Variants in SPEF2 observed in about 807,000 individuals in gnomAD.
The protein encoded by SPEF2 is sperm flagella and cilia-associated protein 2.
Under a neutral mutation model 224.6 loss-of-function variants are expected in SPEF2, and 187 were observed. That is an observed-to-expected ratio of 0.83 (90% confidence interval 0.74 to 0.94). The LOEUF is 0.94. SPEF2 is among the 40% of genes least tolerant of loss of function. The probability of loss-of-function intolerance (pLI) is 0.00; values close to 1 mark genes in which losing one functional copy is unlikely to be tolerated. For synonymous variants in SPEF2, 715 were observed against 707.3 expected (o/e 1.01, Z -0.17); for missense variants, 2,170 against 2,135.6 (o/e 1.02, Z -0.32).
chr5:35,792,385 TG>T lies in SPEF2; in HGVS notation c.4494del (p.Thr1499ProfsTer2). 6.2e-7 allele frequency: 1 copy of T among 1,613,826 alleles called. No individual in the cohort carries two copies. The highest frequency in any genetic ancestry group is 8.5e-7 in the Non-Finnish European group (1 of 1,179,800). ...TTTACTGACATTCTGATCGATTTGG[TG>T]ACCCTGAACCTTGGCACAAACAACT... ...KAFTDILIDL[V>X]TLNLGTNNFP... On this transcript the variant is annotated frameshift_variant, in exon 31 of 37. Transcript: ENST00000356031. LOFTEE classifies it high-confidence loss of function.
intron 10 of SPEF2, among the ~76,000 whole-genome samples, chr5:35,689,066 A>T (rs551395864): frequency 6.6e-6 from 1 of 152,254 alleles, no homozygotes; most frequent in South Asian, 2.1e-4. Context: ...TGTACTCTAG[A>T]AGACTTTTAA....
rs77813562 is a variant in SPEF2 at position 35,691,512 on chromosome 5, A to G, written c.1744+256A>G. ...AAAAAAGCCAGACACAAAAGGTCACATAGTGTATGAGCCCATTTGTATGAA... is the reference window on the plus strand; with the variant it reads ...AAAAAAGCCAGACACAAAAGGTCACGTAGTGTATGAGCCCATTTGTATGAA... On this transcript the variant is annotated intron_variant, in intron 11 of 36. Transcript: ENST00000356031. 9.0e-3 allele frequency among the ~76,000 whole-genome samples: 1,369 copies of G among 152,324 alleles called. 17 individuals are homozygous for G. The highest frequency in any genetic ancestry group is 0.032 in the African/African-American group (1,331 of 41,580).
intron 10 of SPEF2, among the ~76,000 whole-genome samples, chr5:35,683,158 G>T (rs779981789): frequency 6.6e-6 from 1 of 152,116 alleles, no homozygotes; most frequent in Non-Finnish European, 1.5e-5. Context: ...TCACCATTAG[G>T]CTCCTACAAC....
chr5:35,752,083 A>G (rs1749745323), intron 23 of SPEF2, among the ~76,000 whole-genome samples: 1 of 152,148 alleles, frequency 6.6e-6, no homozygotes, highest in Non-Finnish European at 1.5e-5. Flanking sequence ...AATAGGGTTC[A>G]GGCTTCTATG....
chr5:35,785,571 G>T (rs531435620), intron 30 of SPEF2, among the ~76,000 whole-genome samples: 3 of 150,190 alleles, frequency 2.0e-5, no homozygotes, highest in South Asian at 4.2e-4. Flanking sequence ...TTAAGATGGG[G>T]TCTCACTCTG....
At chr5:35,809,408 G>A (rs771738659) in intron 36 of SPEF2, among the ~76,000 whole-genome samples, 1 of 152,156 alleles carries the variant, frequency 6.6e-6, no homozygotes, top group Non-Finnish European at 1.5e-5. Context: ...TGTGCTGGAA[G>A]TGTGGAGGGA....
chr5:35,724,831 A>G (rs1744362098), intron 20 of SPEF2, among the ~76,000 whole-genome samples: 1 of 152,198 alleles, frequency 6.6e-6, no homozygotes, highest in Non-Finnish European at 1.5e-5. Context: ...GCCCCAGACC[A>G]AGTTACTAAA....
intron 34 of SPEF2, among the ~76,000 whole-genome samples, chr5:35,801,312 T>G (rs908676925): frequency 3.1e-4 from 47 of 152,270 alleles, no homozygotes; most frequent in African/African-American, 1.1e-3. Context: ...GGTCAGGAGT[T>G]CTAGACCAGC....
intron 7 of SPEF2, among the ~76,000 whole-genome samples, chr5:35,658,276 C>T (rs1749227734): frequency 6.6e-6 from 1 of 152,132 alleles, no homozygotes; most frequent in South Asian, 2.1e-4. Context: ...TTACTGGTCA[C>T]CTTTCTATTC....
chr5:35,652,565 G>C (rs1476130285), intron 6 of SPEF2, among the ~76,000 whole-genome samples: 1 of 152,066 alleles, frequency 6.6e-6, no homozygotes, highest in African/African-American at 2.4e-5. Flanking sequence ...TAAAATGATT[G>C]GAACTTTAGT....
At chr5:35,799,866 G>T in intron 33 of SPEF2, 102 bp from the exon 34 acceptor site, 2 of 1,252,292 alleles carry the variant, frequency 1.6e-6, no homozygotes, top group Admixed American at 4.2e-5. Context: ...TCCTCAGAAG[G>T]CAACCTTATT....
chr5:35,623,125 A>T (rs1300809510), intron 1 of SPEF2, among the ~76,000 whole-genome samples: 1 of 152,188 alleles, frequency 6.6e-6, no homozygotes, highest in Non-Finnish European at 1.5e-5. Context: ...GGTGCTAGAA[A>T]TGACTTGGAC....
At chr5:35,646,187 C>G (rs1747343921) in intron 4 of SPEF2, among the ~76,000 whole-genome samples, 1 of 152,042 alleles carries the variant, frequency 6.6e-6, no homozygotes, top group Non-Finnish European at 1.5e-5. Context: ...CCCCTGAACT[C>G]ATTGTTTAAG....
At chr5:35,674,689 C>T (rs1751669351) in intron 10 of SPEF2, among the ~76,000 whole-genome samples, 1 of 152,116 alleles carries the variant, frequency 6.6e-6, no homozygotes, top group South Asian at 2.1e-4. Context: ...CTAATCTCAT[C>T]ATGGGAGCCC....
chr5:35,710,490 G>A, intron 19 of SPEF2: 1 of 715,304 alleles, frequency 1.4e-6, no homozygotes, highest in Non-Finnish European at 1.7e-6. Context: ...CTGAGAGGCG[G>A]AGGTTGCAGT....
At chr5:35,725,405 T>C (rs1744464409) in intron 20 of SPEF2, among the ~76,000 whole-genome samples, 1 of 152,134 alleles carries the variant, frequency 6.6e-6, no homozygotes, top group Non-Finnish European at 1.5e-5. Context: ...AAGGTAAAAA[T>C]AATGCCTTTC....
intron 34 of SPEF2, 51 bp downstream of exon 34, chr5:35,800,198 GA>G: frequency 6.3e-7 from 1 of 1,576,624 alleles, no homozygotes; most frequent in Non-Finnish European, 8.6e-7. Context: ...GGGGATGCCT[GA>G]AGATCCTAAA....
chr5:35,755,283 G>A (rs950854500), intron 24 of SPEF2, among the ~76,000 whole-genome samples: 6 of 152,196 alleles, frequency 3.9e-5, no homozygotes, highest in South Asian at 2.1e-4. Context: ...GCATCCCCAC[G>A]ACATTGGTTT....
At chr5:35,791,422 T>C (rs1352897376) in intron 30 of SPEF2, 1 of 152,176 alleles carries the variant, frequency 6.6e-6, no homozygotes, top group South Asian at 2.1e-4. Flanking sequence ...TCATGTGGAC[T>C]TTTAGAAATG....
Sources: gnomAD v4.1 joint callset for allele counts (sites outside exome capture counted in the v4.1 genomes callset) on GRCh38, gnomAD v4.1.1 for gene constraint, MANE v1.5 for transcripts, NCBI Gene and HGNC (gene_info 2026-07-23, HGNC 2026-07-21) for gene names.